Variants in LZTS1 observed in about 807,000 individuals in gnomAD.
LZTS1 encodes the protein leucine zipper tumor suppressor 1, also known as leucine zipper putative tumor suppressor 1.
Under a neutral mutation model 45.8 loss-of-function variants are expected in LZTS1, and 31 were observed. That is an observed-to-expected ratio of 0.68 (90% confidence interval 0.51 to 0.91). The LOEUF (loss-of-function observed/expected upper bound fraction) is 0.91. Among genes scored for constraint, LZTS1 ranks in the 40% least tolerant of loss-of-function variants. The pLI is 0.00. For synonymous variants in LZTS1, 359 were observed against 357.3 expected, an observed-to-expected ratio of 1.00 and a Z score of -0.05; for missense variants, 821 against 788.9, an observed-to-expected ratio of 1.04 and a Z score of -0.49.
chr8:20,290,714 GA>G (rs1225402366), intron 1 of LZTS1, among the ~76,000 whole-genome samples: 1 of 152,226 alleles, frequency 6.6e-6, no homozygotes, highest in Non-Finnish European at 1.5e-5. Flanking sequence ...TGAACTAAGA[GA>G]GAAGTTTCAT....
chr8:20,284,540 T>TA (rs1339330821), intron 1 of LZTS1, among the ~76,000 whole-genome samples: 1 of 152,174 alleles, frequency 6.6e-6, no homozygotes, highest in Non-Finnish European at 1.5e-5. Context: ...ACTTTTTTTT[T>TA]AATGGAGAGA....
At chr8:20,272,081 C>A (rs1800484622) in intron 1 of LZTS1, among the ~76,000 whole-genome samples, 1 of 152,228 alleles carries the variant, frequency 6.6e-6, no homozygotes, top group Non-Finnish European at 1.5e-5. Flanking sequence ...GCCCTGTAGG[C>A]ATAGCACTGA....
intron 1 of LZTS1, among the ~76,000 whole-genome samples, chr8:20,280,060 G>A (rs970757835): frequency 6.6e-6 from 1 of 151,832 alleles, no homozygotes; most frequent in African/African-American, 2.4e-5. Context: ...GCTACTGACC[G>A]AGAAAAGAGG....
rs533069428 is a variant in LZTS1, at chr8:20,278,888, G to A, written c.-134-23573C>T. 1.3e-3 allele frequency among the ~76,000 whole-genome samples: 204 copies of A among 152,134 alleles called. 1 individual carries two copies. The highest frequency in any genetic ancestry group is 6.8e-3 in the Middle Eastern group (2 of 294). The stretch of plus-strand genomic sequence containing the variant: ...AATAATTGTCTTAATTTCCTTCCTC[G>A]GAGATCTGTACTCACTCCCTGCAGT... On this transcript the variant is annotated intron_variant, in intron 1 of 3. Coordinates refer to ENST00000381569, the MANE Select transcript of LZTS1 (RefSeq NM_021020.5).
intron 1 of LZTS1, among the ~76,000 whole-genome samples, chr8:20,264,683 A>C (rs145322108): frequency 6.6e-6 from 1 of 152,278 alleles, no homozygotes; most frequent in East Asian, 1.9e-4. Flanking sequence ...CCCTGCTCTG[A>C]GGCAGCCTGG....
In LZTS1 at chr8:20,250,126, G is replaced by C. The variant is rs1799852156; in HGVS notation, c.1387C>G (p.Leu463Val). Residue 463 changes from leucine (L) to valine (V), a missense_variant, in exon 4 of 4, where the codon CTG becomes GTG. Physicochemically the swap from Leu to Val is conservative, Grantham distance 32. Coordinates refer to ENST00000381569, the MANE Select transcript of LZTS1 (RefSeq NM_021020.5). ...AGCAGGTTCACCTTCTCCCGCAGCAGCTCCGCCTCGTTCTTCTTGCGCTGC... is the reference window on the plus strand; with the variant it reads ...AGCAGGTTCACCTTCTCCCGCAGCACCTCCGCCTCGTTCTTCTTGCGCTGC... The part of the protein sequence containing the change: ...ELQRKKNEAE[L>V]LREKVNLLEQ... 2.5e-6 allele frequency: 4 copies of C among 1,607,684 alleles called. No individual in the cohort carries two copies. In the East Asian group the frequency reaches 8.9e-5, roughly 36 times the overall value.
At chr8:20,286,977 G>A (rs1347194585) in intron 1 of LZTS1, among the ~76,000 whole-genome samples, 2 of 148,456 alleles carry the variant, frequency 1.3e-5, no homozygotes, top group Non-Finnish European at 2.9e-5. Flanking sequence ...TACTTTTAAT[G>A]TTCTCTCTTG....
intron 1 of LZTS1, among the ~76,000 whole-genome samples, chr8:20,272,769 C>T (rs1273094464): frequency 2.6e-5 from 4 of 152,218 alleles, no homozygotes; most frequent in Non-Finnish European, 5.9e-5. Context: ...CACCGTGAAA[C>T]AGAAGTCTGT....
chr8:20,288,892 ATGGGTAGTACCCACC>A (rs1800846199), intron 1 of LZTS1, among the ~76,000 whole-genome samples: 1 of 151,392 alleles, frequency 6.6e-6, no homozygotes, highest in Non-Finnish European at 1.5e-5. Context: ...AACTGGAGCT[ATGGGTAGTACCCACC>A]TCATAGGGTT....
At chr8:20,273,804 GGCTACCCTATT>G (rs1168680388) in intron 1 of LZTS1, among the ~76,000 whole-genome samples, 1 of 151,468 alleles carries the variant, frequency 6.6e-6, no homozygotes, top group Non-Finnish European at 1.5e-5. Context: ...GCTCTCCCAA[GGCTACCCTATT>G]GCCCCAAAAA....
intron 1 of LZTS1, among the ~76,000 whole-genome samples, chr8:20,302,126 T>A (rs1471016223): frequency 6.6e-6 from 1 of 152,074 alleles, no homozygotes; most frequent in Non-Finnish European, 1.5e-5. Context: ...TTCTGACGCC[T>A]CCGTTTCTTC....
intron 3 of LZTS1, among the ~76,000 whole-genome samples, chr8:20,251,762 G>A (rs1240001423): frequency 6.6e-6 from 1 of 152,218 alleles, no homozygotes; most frequent in African/African-American, 2.4e-5. Context: ...GTGAATTTGT[G>A]AGGTAGTCTT....
At chr8:20,261,155 G>A (rs1800220179) in intron 1 of LZTS1, among the ~76,000 whole-genome samples, 1 of 152,200 alleles carries the variant, frequency 6.6e-6, no homozygotes, top group Non-Finnish European at 1.5e-5. Flanking sequence ...TCACATAGAT[G>A]TTGGGGATTC....
At chr8:20,275,168 G>A (rs1406781746) in intron 1 of LZTS1, among the ~76,000 whole-genome samples, 6 of 152,286 alleles carry the variant, frequency 3.9e-5, no homozygotes, top group South Asian at 2.1e-4. Context: ...TTGGGAGACT[G>A]AGGCGGGTGG....
At chr8:20,279,861 C>A (rs1342532145) in intron 1 of LZTS1, among the ~76,000 whole-genome samples, 2 of 151,328 alleles carry the variant, frequency 1.3e-5, no homozygotes, top group Admixed American at 6.6e-5. Context: ...GTAGCACATG[C>A]CCGTAGTCCC....
At chr8:20,281,447 C>T (rs1348134715) in intron 1 of LZTS1, among the ~76,000 whole-genome samples, 1 of 152,054 alleles carries the variant, frequency 6.6e-6, no homozygotes, top group Non-Finnish European at 1.5e-5. Context: ...GTGGTGGGCA[C>T]CTGTAATCTC....
intron 1 of LZTS1, among the ~76,000 whole-genome samples, chr8:20,273,455 C>T (rs1800513599): frequency 6.6e-6 from 1 of 152,180 alleles, no homozygotes; most frequent in Non-Finnish European, 1.5e-5. Context: ...GGCCACATCT[C>T]ACCCTCGCAC....
chr8:20,298,035 T>A (rs1177365751), intron 1 of LZTS1, among the ~76,000 whole-genome samples: 2 of 152,084 alleles, frequency 1.3e-5, no homozygotes, highest in African/African-American at 4.8e-5. Flanking sequence ...AAATCTTGCA[T>A]AAACTCTTTC....
Position 20,252,911 on chromosome 8 carries a change from C to T in LZTS1, c.1020G>A (p.Gln340=), listed in dbSNP as rs147904321. The T allele has an allele frequency of 1.9e-6, 3 of 1,609,886 alleles. No individual in the cohort carries two copies. The highest frequency in any genetic ancestry group is 2.7e-5 in the African/African-American group (2 of 74,902). The change falls in exon 3 of 4, where the codon CAG becomes CAA. Residue 340 remains glutamine (Q), a synonymous_variant. Coordinates refer to ENST00000381569, the MANE Select transcript of LZTS1 (RefSeq NM_021020.5). The stretch of plus-strand genomic sequence containing the variant: ...GCTCCTGCCGGAGCTGCCGCTTCTC[C>T]TGCTGAAGCTGCAGTACCTGCAGGT... The part of the protein sequence containing the change: ...VLHLQVLQLQ[Q]EKRQLRQELE...
Sources: allele counts gnomAD v4.1 joint callset (sites outside exome capture counted in the v4.1 genomes callset), GRCh38; gene constraint gnomAD v4.1.1; transcripts MANE v1.5; gene names NCBI Gene and HGNC (gene_info 2026-07-23, HGNC 2026-07-21).